NT5DC2: variants seen among roughly 807,000 people sequenced by gnomAD.
NT5DC2 encodes 5'-nucleotidase domain containing 2.
A neutral mutation model predicts 70.0 loss-of-function variants in NT5DC2; 41 were observed. The observed-to-expected ratio is 0.59, with a 90% confidence interval of 0.46 to 0.76. The LOEUF is 0.76. Among genes scored for constraint, NT5DC2 ranks in the 30% least tolerant of loss-of-function variants. The probability of loss-of-function intolerance (pLI) is 0.00; values close to 1 mark genes in which losing one functional copy is unlikely to be tolerated. For synonymous variants in NT5DC2, 299 were observed against 310.4 expected (o/e 0.96, Z 0.39); for missense variants, 705 against 783.2 (o/e 0.90, Z 1.19).
chr3:52,527,516 G>A (rs2079295510), intron 9 of NT5DC2, 101 bp downstream of exon 9: 2 of 1,465,918 alleles, frequency 1.4e-6, no homozygotes, highest in Non-Finnish European at 9.4e-7. Flanking sequence ...AGCACATTGG[G>A]CAGTGGGCAA....
upstream of NT5DC2, chr3:52,534,381 C>T: frequency 7.8e-7 from 1 of 1,283,640 alleles, no homozygotes; most frequent in Non-Finnish European, 1.1e-6. Context: ...CCTTCCCGCG[C>T]TTCCCGGTGC....
At chr3:52,527,746 T>G in intron 8 of NT5DC2, 28 bp from the exon 9 acceptor site, 1 of 1,612,452 alleles carries the variant, frequency 6.2e-7, no homozygotes, top group Non-Finnish European at 8.5e-7. Context: ...AGGTGGCAAG[T>G]AGTCTGAGGG....
rs1195602865 is a variant in NT5DC2, at chr3:52,528,492, C to T, written c.596G>A (p.Gly199Asp). 7 of 1,613,640 alleles carry T rather than the reference C, an allele frequency of 4.3e-6. No individual in the cohort carries two copies. Among genetic ancestry groups the T allele is most frequent in the South Asian group, 2.2e-5 (2 of 91,076 alleles). Reference sequence around the variant, plus strand: ...CTGGTATAGTGGGATGTGCTGGGTACCCCCATACAGCTCAATCACCTCCTC... The same window carrying T: ...CTGGTATAGTGGGATGTGCTGGGTATCCCCATACAGCTCAATCACCTCCTC... ...PDEEVIELYG[G>D]TQHIPLYQMS... Residue 199 changes from glycine to aspartate, a missense_variant, in exon 5 of 14, where the codon GGT becomes GAT. Gly to Asp is a moderately conservative substitution (Grantham distance 94). Transcript: ENST00000422318.
At position 52,533,774 on chromosome 3, in the gene NT5DC2, G is replaced by T; in HGVS notation, c.-37C>A. 1 of 912,342 alleles carries T rather than the reference G, an allele frequency of 1.1e-6. No individual in the cohort carries two copies. The highest frequency in any genetic ancestry group is 1.3e-6 in the Non-Finnish European group (1 of 796,376). The allele number at this position is 912,342 out of a possible 1,614,324, so 56.5% of individuals were successfully genotyped here. A position where few individuals can be genotyped will look rare whatever the true frequency, so the allele number is the denominator to read the frequency against. ...GCCGCCCGCCGCCCGCGCTGCCCTC[G>T]GCCAGCCCGCCGCCCGCCGCCCGCC... On this transcript the variant is annotated 5_prime_UTR_variant, in exon 1 of 14. Coordinates refer to ENST00000422318, the MANE Select transcript of NT5DC2 (RefSeq NM_001134231.2).
At chr3:52,526,430 C>T (rs1376204511) in intron 10 of NT5DC2, 1 of 152,306 alleles carries the variant, frequency 6.6e-6, no homozygotes, top group Admixed American at 6.5e-5. Context: ...TGAAGAAGCC[C>T]AGCTCAGCCA....
At chr3:52,534,773 G>C (rs906247056), upstream of NT5DC2, 8 of 1,334,292 alleles carry the variant, frequency 6.0e-6, no homozygotes, top group African/African-American at 1.5e-5. Flanking sequence ...GGCGCGCGTT[G>C]TTTTCTGAGG....
upstream of NT5DC2, chr3:52,534,840 GAAGA>G: frequency 1.5e-6 from 1 of 671,536 alleles, no homozygotes; most frequent in Non-Finnish European, 2.5e-6. Context: ...AACCTTGATT[GAAGA>G]CCTACAGTGT....
chr3:52,525,111 G>A lies in NT5DC2; in HGVS notation c.1207-8C>T. 6.3e-7 allele frequency: 1 copy of A among 1,575,362 alleles called. No individual in the cohort carries two copies. Among genetic ancestry groups the A allele is most frequent in the Non-Finnish European group, 8.6e-7 (1 of 1,161,070 alleles). On this transcript the variant is annotated splice_polypyrimidine_tract_variant and splice_region_variant and intron_variant, in intron 11 of 13. Coordinates refer to ENST00000422318, the MANE Select transcript of NT5DC2 (RefSeq NM_001134231.2). ...GTGCCGCAGCATGAGATCCTGGTGG[G>A]TGGGGCGGCAGAACTGGGCTCAGCG...
Position 52,528,322 on chromosome 3 carries a change from G to C in NT5DC2, c.643-11C>G. On this transcript the variant is annotated splice_polypyrimidine_tract_variant and intron_variant, in intron 5 of 13. Coordinates refer to ENST00000422318, the MANE Select transcript of NT5DC2 (RefSeq NM_001134231.2). ...CTTAATGGAGGGACCCTGGGGAGGG[G>C]GCCATTGTCTCAGACACCCTTTGGG... The C allele has an allele frequency of 6.2e-7, 1 of 1,613,188 alleles. No homozygotes were observed. The highest frequency in any genetic ancestry group is 8.5e-7 in the Non-Finnish European group (1 of 1,180,016).
chr3:52,527,419 C>A (rs769694318), intron 9 of NT5DC2, 44 bp from the exon 10 acceptor site: 3 of 1,599,340 alleles, frequency 1.9e-6, no homozygotes, highest in Non-Finnish European at 2.6e-6. Context: ...TGTGGCTGGG[C>A]CACGGGCCGG....
At chr3:52,527,527 G>C (rs1262137795) in intron 9 of NT5DC2, 90 bp downstream of exon 9, 1 of 1,499,140 alleles carries the variant, frequency 6.7e-7, no homozygotes, top group Non-Finnish European at 9.2e-7. Flanking sequence ...CAGTGGGCAA[G>C]GGCCAGGTTG....
chr3:52,532,481 G>A, intron 1 of NT5DC2: 1 of 985,448 alleles, frequency 1.0e-6, no homozygotes. Flanking sequence ...TACTGGTCAA[G>A]AAGTGATTCT....
At position 52,527,834 on chromosome 3, in the gene NT5DC2, G is replaced by C. The variant is rs753763083; in HGVS notation, c.930C>G (p.Ser310Arg). The C allele has an allele frequency of 2.5e-6, 4 of 1,613,210 alleles. No individual in the cohort carries two copies. In the African/African-American group the frequency reaches 4.0e-5, roughly 16 times the overall value. ...QLFLITNSPF[S>R]FVDKGMRHMV... The stretch of plus-strand genomic sequence containing the variant: ...TCCACAGGGGCTGGACTCACACGAA[G>C]CTGAAAGGACTGTTGGTGATGAGGA... Residue 310 changes from serine (S) to arginine (R), a missense_variant, in exon 8 of 14, where the codon AGC becomes AGG. Ser to Arg is a moderately radical substitution (Grantham distance 110, BLOSUM62 -1). Transcript: ENST00000422318.
chr3:52,528,276 C>T lies in NT5DC2; in HGVS notation c.678G>A (p.Ser226=), dbSNP rs749231831. The T allele has an allele frequency of 4.7e-5, 76 of 1,613,264 alleles. No homozygotes were observed. In the East Asian group the frequency reaches 4.9e-4, roughly 10 times the overall value. The change falls in exon 6 of 14, where the codon TCG becomes TCA. Residue 226 remains serine (S), a synonymous_variant. Coordinates refer to ENST00000422318, the MANE Select transcript of NT5DC2 (RefSeq NM_001134231.2). ...AGGACAGCAGAGCCATCTCCGGTAGCGAGAAGATGTCCATGAACTGCTTAA... is the reference window on the plus strand; with the variant it reads ...AGGACAGCAGAGCCATCTCCGGTAGTGAGAAGATGTCCATGAACTGCTTAA... ...PSIKQFMDIF[S]LPEMALLSCV...
In NT5DC2 at chr3:52,528,484, G is replaced by T; in HGVS notation, c.604C>A (p.His202Asn). 6.2e-7 allele frequency: 1 copy of T among 1,613,736 alleles called. No individual in the cohort carries two copies. The highest frequency in any genetic ancestry group is 8.5e-7 in the Non-Finnish European group (1 of 1,180,020). Residue 202 changes from histidine to asparagine, a missense_variant, in exon 5 of 14, where the codon CAC (histidine) becomes AAC (asparagine). By Grantham distance (68) the His-to-Asn change is moderately conservative. Coordinates refer to ENST00000422318, the MANE Select transcript of NT5DC2 (RefSeq NM_001134231.2). ...EVIELYGGTQ[H>N]IPLYQMSGFY... ...CCACTCATCTGGTATAGTGGGATGT[G>T]CTGGGTACCCCCATACAGCTCAATC...
Position 52,527,854 on chromosome 3 carries a change from T to C in NT5DC2, c.910A>G (p.Ile304Val). 1 of 1,613,390 alleles carries C rather than the reference T, an allele frequency of 6.2e-7. No individual in the cohort carries two copies. The highest frequency in any genetic ancestry group is 1.3e-5 in the African/African-American group (1 of 75,042). Residue 304 changes from isoleucine to valine, a missense_variant, in exon 8 of 14, where the codon ATC becomes GTC. Ile to Val is a conservative substitution (Grantham distance 29, BLOSUM62 3). Transcript: ENST00000422318. Reference sequence around the variant, plus strand: ...ACGAAGCTGAAAGGACTGTTGGTGATGAGGAACAGCTGTTTCCCATGGGCC... The same window carrying C: ...ACGAAGCTGAAAGGACTGTTGGTGACGAGGAACAGCTGTTTCCCATGGGCC... The part of the protein sequence containing the change: ...LVAHGKQLFL[I>V]TNSPFSFVDK...
Position 52,524,445 on chromosome 3 carries a change from C to T in NT5DC2, c.*25G>A, listed in dbSNP as rs756412343. 4.3e-6 allele frequency: 7 copies of T among 1,612,108 alleles called. No homozygotes were observed. Among genetic ancestry groups the T allele is most frequent in the Non-Finnish European group, 5.9e-6 (7 of 1,179,464 alleles). On this transcript the variant is annotated 3_prime_UTR_variant, in exon 14 of 14. Transcript: ENST00000422318. ...TGGATGGGGCAGGAGGGGCTGAGGG[C>T]CTGTCCCAGACAATAAAGGTGCCCT... is the stretch of plus-strand genomic sequence containing the variant.
Position 52,533,574 on chromosome 3 carries a change from G to C in NT5DC2, c.164C>G (p.Pro55Arg). The C allele has an allele frequency of 7.6e-7, 1 of 1,317,724 alleles. No individual in the cohort carries two copies. The allele number at this position is 1,317,724 out of a possible 1,614,324, so 81.6% of individuals were successfully genotyped here. Residue 55 changes from proline to arginine, a missense_variant, in exon 1 of 14, where the codon CCC becomes CGC. Physicochemically the swap from Pro to Arg is moderately radical, Grantham distance 103 (BLOSUM62 -2). Coordinates refer to ENST00000422318, the MANE Select transcript of NT5DC2 (RefSeq NM_001134231.2). ...CGCGCTGAGGTCGGCGCCGCTGGTG[G>C]GTGCCTGGGCGGGCGCGGAGCGCGG... Reference protein sequence around the residue: ...GVPRSAPAQAPTSGADLSAHL... With the variant: ...GVPRSAPAQARTSGADLSAHL...
chr3:52,534,670 C>G (rs566131899), upstream of NT5DC2: 1 of 1,601,648 alleles, frequency 6.2e-7, no homozygotes, highest in African/African-American at 1.3e-5. Flanking sequence ...TGCTCAGATC[C>G]GTATTCCGAG....
Sources: gnomAD v4.1 joint callset for allele counts on GRCh38, gnomAD v4.1.1 for gene constraint, MANE v1.5 for transcripts, NCBI Gene and HGNC (gene_info 2026-07-23, HGNC 2026-07-21) for gene names.